LSAMP: variants seen among roughly 807,000 people sequenced by gnomAD.
The protein encoded by LSAMP is limbic system-associated membrane protein.
A neutral mutation model predicts 38.6 loss-of-function variants in LSAMP; 7 were observed. That is an observed-to-expected ratio of 0.18 (90% confidence interval 0.10 to 0.34). The LOEUF (loss-of-function observed/expected upper bound fraction) is 0.34, where lower values mean the gene tolerates loss of function less well. Among genes scored for constraint, LSAMP ranks in the 10% least tolerant of loss-of-function variants. The pLI, the probability that LSAMP is intolerant of heterozygous loss-of-function variation, is 1.00. For missense variants in LSAMP, 313 were observed against 420.0 expected (o/e 0.75, Z 2.23); for synonymous variants, 154 against 166.8 (o/e 0.92, Z 0.59).
chr3:115,851,785 G>A (rs1036146072), intron 4 of LSAMP, among the ~76,000 whole-genome samples: 20 of 152,100 alleles, frequency 1.3e-4, no homozygotes, highest in African/African-American at 4.3e-4. Flanking sequence ...CAGGGTAAAC[G>A]AATTCTCTTT....
At chr3:116,121,582 A>ATTCCTCTTTAGG (rs1708876980) in intron 1 of LSAMP, among the ~76,000 whole-genome samples, 1 of 152,076 alleles carries the variant, frequency 6.6e-6, no homozygotes, top group African/African-American at 2.4e-5. Context: ...TTGGCAGCAG[A>ATTCCTCTTTAGG]CATTCCTCTT....
rs1559800391 is a variant in LSAMP, at chr3:116,252,700, T to C, written c.156-166144A>G. Among the ~76,000 whole-genome samples the C allele has an allele frequency of 2.6e-5, 4 of 152,340 alleles. No homozygotes were observed. In the East Asian group the frequency reaches 5.8e-4, roughly 22 times the overall value. On this transcript the variant is annotated intron_variant, in intron 1 of 6. Transcript: ENST00000490035. ...TTCAGCATTATGAACGTGAATAACT[T>C]GAGGAAAACCTTAATGCACTAAATG...
At chr3:116,123,294 T>TGACACCTCCTCCAGTCGTGGGCCAC (rs1708924954) in intron 1 of LSAMP, among the ~76,000 whole-genome samples, 1 of 152,224 alleles carries the variant, frequency 6.6e-6, no homozygotes, top group Non-Finnish European at 1.5e-5. Flanking sequence ...GAGGAGGCCA[T>TGACACCTCCTCCAGTCGTGGGCCAC]GACACCTCCT....
intron 2 of LSAMP, among the ~76,000 whole-genome samples, chr3:116,024,668 G>A (rs954075959): frequency 6.6e-5 from 10 of 152,018 alleles, no homozygotes; most frequent in Non-Finnish European, 1.5e-4. Context: ...TTCTTTCCTA[G>A]TTTCCCATAG....
At chr3:116,065,445 A>C (rs1452654384) in intron 2 of LSAMP, among the ~76,000 whole-genome samples, 1 of 152,198 alleles carries the variant, frequency 6.6e-6, no homozygotes, top group African/African-American at 2.4e-5. Flanking sequence ...TAGACACTCA[A>C]AATGCTTTTC....
chr3:115,879,409 CATTT>C (rs1559864187), intron 3 of LSAMP, among the ~76,000 whole-genome samples: 1 of 152,028 alleles, frequency 6.6e-6, no homozygotes, highest in African/African-American at 2.4e-5. Context: ...GTCACTGAAA[CATTT>C]ATTAGTTATA....
chr3:115,809,050 T>A lies in LSAMP; in HGVS notation c.*1267A>T, dbSNP rs1933720875. The A allele has an allele frequency of 6.6e-6, 1 of 152,204 alleles. No individual in the cohort carries two copies. Among genetic ancestry groups the A allele is most frequent in the Non-Finnish European group, 1.5e-5 (1 of 68,040 alleles). 9.4% of individuals were successfully genotyped at this position (152,204 alleles called of 1,614,324 possible). ...CACTGGGAGTTGACACTTGGAGACC[T>A]TCCTGTTTCTGGGGATTTACTCAAC... On this transcript the variant is annotated 3_prime_UTR_variant, in exon 7 of 7. Transcript: ENST00000490035.
intron 3 of LSAMP, among the ~76,000 whole-genome samples, chr3:115,859,282 C>T (rs367703822): frequency 6.6e-6 from 1 of 152,018 alleles, no homozygotes; most frequent in Non-Finnish European, 1.5e-5. Context: ...GGGGTAGATG[C>T]AGTCGTCAAA....
intron 3 of LSAMP, among the ~76,000 whole-genome samples, chr3:115,875,867 T>C (rs1304902046): frequency 6.6e-6 from 1 of 152,152 alleles, no homozygotes; most frequent in Non-Finnish European, 1.5e-5. Flanking sequence ...ATGAGCTCTA[T>C]ACAACAATAT....
chr3:115,967,739 G>C (rs1377359952), intron 3 of LSAMP, among the ~76,000 whole-genome samples: 1 of 152,154 alleles, frequency 6.6e-6, no homozygotes, highest in Non-Finnish European at 1.5e-5. Context: ...CAAAGAGAGA[G>C]CCTGTGTAGG....
At chr3:116,076,914 G>T (rs1462941881) in intron 2 of LSAMP, among the ~76,000 whole-genome samples, 1 of 151,748 alleles carries the variant, frequency 6.6e-6, no homozygotes, top group Non-Finnish European at 1.5e-5. Context: ...CTTTGTGAAT[G>T]ACCATTTTTA....
intron 1 of LSAMP, among the ~76,000 whole-genome samples, chr3:116,405,053 T>C (rs1190098343): frequency 6.6e-6 from 1 of 152,156 alleles, no homozygotes; most frequent in African/African-American, 2.4e-5. Context: ...TAAGAGTTTA[T>C]TCATATTGGG....
At chr3:116,349,834 TA>T (rs904988826) in intron 1 of LSAMP, among the ~76,000 whole-genome samples, 10 of 151,722 alleles carry the variant, frequency 6.6e-5, no homozygotes, top group Non-Finnish European at 1.5e-4. Context: ...TCTGGGGAAA[TA>T]AAAAAAGAAG....
At chr3:116,114,838 A>G (rs1200973499) in intron 1 of LSAMP, among the ~76,000 whole-genome samples, 1 of 152,182 alleles carries the variant, frequency 6.6e-6, no homozygotes, top group Non-Finnish European at 1.5e-5. Context: ...TTCCTTATCT[A>G]TTTAGTTCAG....
At chr3:116,319,714 CT>C (rs556994371) in intron 1 of LSAMP, among the ~76,000 whole-genome samples, 5 of 152,188 alleles carry the variant, frequency 3.3e-5, no homozygotes. Context: ...CCCTTTCTTG[CT>C]GCTACTGTTC....
chr3:115,934,092 G>A (rs1009334414), intron 3 of LSAMP, among the ~76,000 whole-genome samples: 2 of 152,064 alleles, frequency 1.3e-5, no homozygotes, highest in Non-Finnish European at 2.9e-5. Flanking sequence ...AAAAGCTTAA[G>A]TTTATTTACC....
chr3:115,909,021 T>A (rs905244898), intron 3 of LSAMP, among the ~76,000 whole-genome samples: 1 of 152,186 alleles, frequency 6.6e-6, no homozygotes, highest in Non-Finnish European at 1.5e-5. Context: ...TTTCTCAAAG[T>A]CTCAACTTAG....
intron 1 of LSAMP, among the ~76,000 whole-genome samples, chr3:116,222,720 C>CTTTTTTTTTTTTTTTTTTTT (rs71141863): frequency 2.0e-5 from 1 of 49,942 alleles, no homozygotes; most frequent in African/African-American, 8.7e-5. Flanking sequence ...TCATCCTCTC[C>CTTTTTTTTTTTTTTTTTTTT]TTTTTTTTTT....
At chr3:116,317,321 G>A (rs2047642327) in intron 1 of LSAMP, among the ~76,000 whole-genome samples, 2 of 151,996 alleles carry the variant, frequency 1.3e-5, no homozygotes, top group East Asian at 1.9e-4. Context: ...AACAAACTCC[G>A]GACACAATAC....
Sources: allele counts gnomAD v4.1 joint callset (sites outside exome capture counted in the v4.1 genomes callset), GRCh38; gene constraint gnomAD v4.1.1; transcripts MANE v1.5; gene names NCBI Gene and HGNC (gene_info 2026-07-23, HGNC 2026-07-21).